CYTH4: variants seen among roughly 807,000 people sequenced by gnomAD.
CYTH4 encodes the protein cytohesin 4.
CYTH4 carries 22 observed loss-of-function variants against 57.5 expected under a neutral mutation model. That is an observed-to-expected ratio of 0.38 (90% CI 0.27 to 0.55). The LOEUF (loss-of-function observed/expected upper bound fraction) is 0.55. CYTH4 is among the 20% of genes least tolerant of loss of function. The pLI, the probability that CYTH4 is intolerant of heterozygous loss-of-function variation, is 0.74. For synonymous variants in CYTH4, 186 were observed against 206.5 expected (o/e 0.90, Z 0.85); for missense variants, 420 against 535.6 (o/e 0.78, Z 2.13).
At chr22:37,297,781 A>G (rs1369429858) in intron 5 of CYTH4, 99 bp downstream of exon 5, 1 of 1,023,794 alleles carries the variant, frequency 9.8e-7, no homozygotes, top group Non-Finnish European at 1.5e-6. Context: ...ATGTTAGCAA[A>G]GTCATCACTC....
intron 2 of CYTH4, among the ~76,000 whole-genome samples, chr22:37,294,062 G>T (rs1013029924): frequency 6.6e-6 from 1 of 151,050 alleles, no homozygotes; most frequent in Non-Finnish European, 1.5e-5. Context: ...AGAAGCTGAG[G>T]AAGCAGTAGG....
At chr22:37,307,627 G>A (rs1443145982) in intron 8 of CYTH4, among the ~76,000 whole-genome samples, 1 of 152,188 alleles carries the variant, frequency 6.6e-6, no homozygotes, top group African/African-American at 2.4e-5. Flanking sequence ...AAAACTTTGA[G>A]AGAGTCAAAT....
rs149085820 is a variant in CYTH4 at position 37,296,778 on chromosome 22, C to T, written c.234+713C>T. ...TCCTGCTCCTACCCACAGAGACCCC[C>T]GCAGGCTCACACTCTCACCCCACCC... On this transcript the variant is annotated intron_variant, in intron 4 of 12. Coordinates refer to ENST00000248901, the MANE Select transcript of CYTH4 (RefSeq NM_013385.5). 6.2e-3 allele frequency among the ~76,000 whole-genome samples: 947 copies of T among 152,302 alleles called. 8 individuals are homozygous for T. Among genetic ancestry groups the T allele is most frequent in the African/African-American group, 0.022 (901 of 41,564 alleles).
intron 8 of CYTH4, among the ~76,000 whole-genome samples, chr22:37,303,802 C>CCT (rs1457409265): frequency 6.6e-6 from 1 of 152,298 alleles, no homozygotes; most frequent in Admixed American, 6.5e-5. Context: ...TGCTCTAAGC[C>CCT]CTCTGTCCTT....
At chr22:37,302,563 A>G (rs1208771055) in intron 7 of CYTH4, among the ~76,000 whole-genome samples, 2 of 152,164 alleles carry the variant, frequency 1.3e-5, no homozygotes, top group African/African-American at 4.8e-5. Flanking sequence ...AGTTACTTCA[A>G]AGATTAACCT....
intron 4 of CYTH4, among the ~76,000 whole-genome samples, chr22:37,296,810 C>CAGGGGT (rs1481209349): frequency 2.6e-5 from 4 of 152,150 alleles, no homozygotes; most frequent in African/African-American, 9.7e-5. Flanking sequence ...ACCCAGCACC[C>CAGGGGT]AGGGGTGTCC....
At chr22:37,286,311 G>C (rs1439794621) in intron 1 of CYTH4, among the ~76,000 whole-genome samples, 1 of 152,196 alleles carries the variant, frequency 6.6e-6, no homozygotes, top group Non-Finnish European at 1.5e-5. Context: ...CCCTCCAGCT[G>C]TGTCACCTTT....
At chr22:37,285,575 G>A (rs1033689406) in intron 1 of CYTH4, among the ~76,000 whole-genome samples, 2 of 151,996 alleles carry the variant, frequency 1.3e-5, no homozygotes, top group Non-Finnish European at 2.9e-5. Flanking sequence ...GCCGGGCCTG[G>A]TGGTGGGCGC....
At chr22:37,310,854 A>C (rs1050610466) in intron 9 of CYTH4, 134 bp from the exon 10 acceptor site, 19 of 773,766 alleles carry the variant, frequency 2.5e-5, no homozygotes, top group South Asian at 4.8e-5. Flanking sequence ...TGTTGGGGGG[A>C]GGTGTGGTGG....
intron 5 of CYTH4, 47 bp downstream of exon 5, chr22:37,297,729 G>T: frequency 1.4e-6 from 2 of 1,465,464 alleles, no homozygotes; most frequent in Non-Finnish European, 1.9e-6. Flanking sequence ...AAGGTGTGCA[G>T]GTGTGTACAG....
chr22:37,312,671 C>T (rs1008559100), intron 12 of CYTH4, among the ~76,000 whole-genome samples: 4 of 152,206 alleles, frequency 2.6e-5, no homozygotes, highest in Non-Finnish European at 5.9e-5. Context: ...GCCACAGCCA[C>T]CGTGGTGAAG....
At chr22:37,284,275 G>A (rs1436756383) in intron 1 of CYTH4, among the ~76,000 whole-genome samples, 1 of 152,210 alleles carries the variant, frequency 6.6e-6, no homozygotes, top group Non-Finnish European at 1.5e-5. Context: ...ATGCAGTGCT[G>A]GGGACAGCAG....
chr22:37,293,871 C>T (rs998945445), intron 2 of CYTH4, among the ~76,000 whole-genome samples: 4 of 151,896 alleles, frequency 2.6e-5, no homozygotes, highest in Non-Finnish European at 5.9e-5. Context: ...AGTCAGACTG[C>T]GGGCGTGTCG....
chr22:37,312,585 C>T (rs950046688), intron 12 of CYTH4, among the ~76,000 whole-genome samples: 5 of 152,188 alleles, frequency 3.3e-5, no homozygotes, highest in Admixed American at 2.6e-4. Context: ...AACCAGCAGG[C>T]GGCCTACCTG....
intron 1 of CYTH4, among the ~76,000 whole-genome samples, chr22:37,282,986 C>A (rs1305917498): frequency 6.6e-6 from 1 of 152,196 alleles, no homozygotes; most frequent in Non-Finnish European, 1.5e-5. Context: ...AGCTAAGGGG[C>A]TTTCTAAGGA....
chr22:37,286,930 G>A (rs1288033955), intron 1 of CYTH4, among the ~76,000 whole-genome samples: 10 of 152,150 alleles, frequency 6.6e-5, no homozygotes, highest in Admixed American at 2.0e-4. Flanking sequence ...AAGCGATAGC[G>A]GCTGGGATGA....
chr22:37,308,677 CAT>C (rs1929507914), intron 8 of CYTH4, among the ~76,000 whole-genome samples: 1 of 142,846 alleles, frequency 7.0e-6, no homozygotes, highest in South Asian at 2.4e-4. Context: ...AGCGTGCTTG[CAT>C]GTGTAAGTAT....
At chr22:37,309,144 G>A in intron 8 of CYTH4, 68 bp from the exon 9 acceptor site, 1 of 1,411,950 alleles carries the variant, frequency 7.1e-7, no homozygotes, top group Non-Finnish European at 1.0e-6. Context: ...ACACAGGCCA[G>A]GCCAGGCCTA....
chr22:37,299,640 T>C (rs1929111176), intron 6 of CYTH4, among the ~76,000 whole-genome samples: 1 of 152,238 alleles, frequency 6.6e-6, no homozygotes, highest in Non-Finnish European at 1.5e-5. Context: ...TAAGACTGCT[T>C]AGCATGTATT....
Sources: gnomAD v4.1 joint callset for allele counts (sites outside exome capture counted in the v4.1 genomes callset) on GRCh38, gnomAD v4.1.1 for gene constraint, MANE v1.5 for transcripts, NCBI Gene and HGNC (gene_info 2026-07-23, HGNC 2026-07-21) for gene names.